CRPPA: variants seen among roughly 807,000 people sequenced by gnomAD.
CRPPA encodes CDP-L-ribitol pyrophosphorylase A, also known as D-ribitol-5-phosphate cytidylyltransferase.
A neutral mutation model predicts 52.0 loss-of-function variants in CRPPA; 43 were observed. The observed-to-expected ratio is 0.83, with a 90% confidence interval of 0.65 to 1.07. CRPPA has a LOEUF of 1.07. CRPPA is among the 50% of genes least tolerant of loss of function. CRPPA has a pLI of 0.00. For synonymous variants in CRPPA, 250 were observed against 203.5 expected (o/e 1.23, Z -1.94); for missense variants, 629 against 551.7 (o/e 1.14, Z -1.40).
intron 3 of CRPPA, among the ~76,000 whole-genome samples, chr7:16,312,365 G>T (rs1336015479): frequency 6.6e-6 from 1 of 151,784 alleles, no homozygotes; most frequent in Non-Finnish European, 1.5e-5. Context: ...ATCATTTTGG[G>T]GGTTGCTAAC....
chr7:16,355,704 C>G (rs1786276465), intron 3 of CRPPA, among the ~76,000 whole-genome samples: 1 of 152,144 alleles, frequency 6.6e-6, no homozygotes, highest in Non-Finnish European at 1.5e-5. Context: ...GTTGGACTCC[C>G]AACATCCTCA....
In CRPPA at chr7:16,399,974, G is replaced by A. The variant is rs113305596; in HGVS notation, c.534+6087C>T. On this transcript the variant is annotated intron_variant, in intron 2 of 9. Coordinates refer to ENST00000407010, the MANE Select transcript of CRPPA (RefSeq NM_001101426.4). ...GACTGACATGGCTTACATGTGACAC[G>A]ATTGACACGTGACTGACGCATTTGA... 2.9e-3 allele frequency among the ~76,000 whole-genome samples: 442 copies of A among 152,308 alleles called. 1 individual carries two copies. The highest frequency in any genetic ancestry group is 0.01 in the African/African-American group (427 of 41,574).
At position 16,090,309 on chromosome 7, in the gene CRPPA, C is replaced by T. The variant is rs1278927817; in HGVS notation, c.*1386G>A. On this transcript the variant is annotated 3_prime_UTR_variant, in exon 10 of 10. Transcript: ENST00000407010. The stretch of plus-strand genomic sequence containing the variant: ...TCACCCAACATGTTAAATAAAAATT[C>T]CACAAGGTAGATATTGTATAGTGTA... 6.6e-6 allele frequency: 1 copy of T among 151,994 alleles called. No individual in the cohort carries two copies. Among genetic ancestry groups the T allele is most frequent in the Non-Finnish European group, 1.5e-5 (1 of 68,006 alleles). 9.4% of individuals were successfully genotyped at this position (151,994 alleles called of 1,614,324 possible).
intron 9 of CRPPA, among the ~76,000 whole-genome samples, chr7:16,099,433 G>A (rs1262800562): frequency 5.3e-5 from 7 of 132,710 alleles, no homozygotes; most frequent in Non-Finnish European, 9.7e-5. Flanking sequence ...GGAAGGGGAG[G>A]GAAAAAGGAG....
At chr7:16,285,579 A>G (rs1444158137) in intron 5 of CRPPA, among the ~76,000 whole-genome samples, 1 of 152,156 alleles carries the variant, frequency 6.6e-6, no homozygotes, top group Non-Finnish European at 1.5e-5. Context: ...GTGATTTAAC[A>G]GAGAGAAAAT....
intron 9 of CRPPA, among the ~76,000 whole-genome samples, chr7:16,215,541 T>C (rs1234509193): frequency 6.6e-6 from 1 of 152,222 alleles, no homozygotes; most frequent in Non-Finnish European, 1.5e-5. Context: ...TGCCCTCTTA[T>C]AATCTGAATG....
intron 9 of CRPPA, among the ~76,000 whole-genome samples, chr7:16,128,553 T>C (rs936342022): frequency 2.0e-5 from 3 of 152,070 alleles, no homozygotes; most frequent in South Asian, 4.1e-4. Context: ...AACCAGAAGA[T>C]AGGTAACAAA....
chr7:16,150,763 T>C (rs920718802), intron 9 of CRPPA, among the ~76,000 whole-genome samples: 1 of 152,190 alleles, frequency 6.6e-6, no homozygotes, highest in Non-Finnish European at 1.5e-5. Flanking sequence ...ATTTCAGTCC[T>C]AGGGGCTGGG....
intron 3 of CRPPA, among the ~76,000 whole-genome samples, chr7:16,348,870 A>C (rs559665967): frequency 1.3e-5 from 2 of 152,300 alleles, no homozygotes; most frequent in Non-Finnish European, 2.9e-5. Flanking sequence ...TTCTAGAGCT[A>C]GCTCCCACCC....
intron 9 of CRPPA, among the ~76,000 whole-genome samples, chr7:16,105,710 A>C (rs996344896): frequency 6.6e-6 from 1 of 152,142 alleles, no homozygotes; most frequent in Non-Finnish European, 1.5e-5. Flanking sequence ...GATGTTCAAC[A>C]AAACTTGAGT....
At chr7:16,250,478 G>A (rs1247024129) in intron 8 of CRPPA, among the ~76,000 whole-genome samples, 1 of 152,142 alleles carries the variant, frequency 6.6e-6, no homozygotes, top group Non-Finnish European at 1.5e-5. Flanking sequence ...TGGAGAGAAA[G>A]GTCAGGTTAC....
At position 16,087,682 on chromosome 7, in the gene CRPPA, T is replaced by C. The variant is rs1283764736; in HGVS notation, c.*4013A>G. On this transcript the variant is annotated 3_prime_UTR_variant, in exon 10 of 10. Coordinates refer to ENST00000407010, the MANE Select transcript of CRPPA (RefSeq NM_001101426.4). ...AGAACATATATAAATGCAACTATAA[T>C]GCCAACCACCACCTACACAGCTACT... The C allele has an allele frequency of 4.6e-5, 7 of 152,112 alleles. No individual in the cohort carries two copies. Among genetic ancestry groups the C allele is most frequent in the Admixed American group, 1.3e-4 (2 of 15,268 alleles). 9.4% of individuals were successfully genotyped at this position (152,112 alleles called of 1,614,324 possible).
chr7:16,319,436 T>C (rs1785211518), intron 3 of CRPPA, among the ~76,000 whole-genome samples: 3 of 152,252 alleles, frequency 2.0e-5, no homozygotes, highest in South Asian at 4.1e-4. Flanking sequence ...TCTCCCAACA[T>C]GGATCCCCTA....
chr7:16,229,898 G>C (rs369688746), intron 8 of CRPPA, among the ~76,000 whole-genome samples: 1 of 152,042 alleles, frequency 6.6e-6, no homozygotes, highest in East Asian at 1.9e-4. Flanking sequence ...GGACACCTTT[G>C]CTGGGTACAC....
chr7:16,162,659 T>C (rs969023903), intron 9 of CRPPA, among the ~76,000 whole-genome samples: 1 of 152,210 alleles, frequency 6.6e-6, no homozygotes, highest in African/African-American at 2.4e-5. Context: ...TTCTGTTGAC[T>C]TGGGGTGCAG....
At chr7:16,099,636 G>C (rs908404526) in intron 9 of CRPPA, among the ~76,000 whole-genome samples, 4 of 152,164 alleles carry the variant, frequency 2.6e-5, no homozygotes, top group African/African-American at 4.8e-5. Flanking sequence ...ACAGTGCTCA[G>C]AGCCAGATTG....
At chr7:16,177,229 G>A (rs987724226) in intron 9 of CRPPA, among the ~76,000 whole-genome samples, 11 of 151,956 alleles carry the variant, frequency 7.2e-5, no homozygotes, top group African/African-American at 2.4e-4. Flanking sequence ...TAGTTGTGCT[G>A]GTGGTTGCTC....
intron 8 of CRPPA, among the ~76,000 whole-genome samples, chr7:16,221,138 C>A (rs541414700): frequency 6.6e-6 from 1 of 152,240 alleles, no homozygotes; most frequent in South Asian, 2.1e-4. Flanking sequence ...AGAAATAACG[C>A]CACATATCTA....
At chr7:16,179,259 T>A (rs1166883013) in intron 9 of CRPPA, among the ~76,000 whole-genome samples, 1 of 152,138 alleles carries the variant, frequency 6.6e-6, no homozygotes, top group Non-Finnish European at 1.5e-5. Context: ...AATTTTAAAA[T>A]GCTGCATTTT....
Sources: gnomAD v4.1 joint callset for allele counts (sites outside exome capture counted in the v4.1 genomes callset) on GRCh38, gnomAD v4.1.1 for gene constraint, MANE v1.5 for transcripts, NCBI Gene and HGNC (gene_info 2026-07-23, HGNC 2026-07-21) for gene names.